The following EYS variants were observed in gnomAD, a reference collection of about 807,000 sequenced individuals.
EYS encodes the protein EGF-like photoreceptor maintenance factor.
EYS carries 250 observed loss-of-function variants against 282.1 expected under a neutral mutation model. That is an observed-to-expected ratio of 0.89 (90% CI 0.80 to 0.98). The LOEUF (loss-of-function observed/expected upper bound fraction) is 0.98. EYS is among the 50% of genes least tolerant of loss of function. EYS has a pLI of 0.00. For synonymous variants in EYS, 1,355 were observed against 1,282.9 expected (o/e 1.06, Z -1.20); for missense variants, 4,016 against 3,709.0 (o/e 1.08, Z -2.15).
At chr6:65,611,683 C>T (rs375349991) in intron 2 of EYS, among the ~76,000 whole-genome samples, 2 of 152,070 alleles carry the variant, frequency 1.3e-5, no homozygotes, top group Non-Finnish European at 2.9e-5. Flanking sequence ...TGCGATTTAT[C>T]GCAAGATTTC....
intron 24 of EYS, among the ~76,000 whole-genome samples, chr6:64,613,002 C>T (rs1285463138): frequency 6.6e-6 from 1 of 152,072 alleles, no homozygotes; most frequent in African/African-American, 2.4e-5. Context: ...AGCCTTATTG[C>T]TTTGAATTGT....
intron 2 of EYS, among the ~76,000 whole-genome samples, chr6:65,637,532 C>T (rs1767131810): frequency 6.6e-6 from 1 of 152,144 alleles, no homozygotes; most frequent in Non-Finnish European, 1.5e-5. Context: ...CTCCCTGGCA[C>T]AGCTGCAGCC....
chr6:65,459,943 G>GT (rs1764759664), intron 5 of EYS, among the ~76,000 whole-genome samples: 1 of 128,696 alleles, frequency 7.8e-6, no homozygotes, highest in Non-Finnish European at 1.6e-5. Flanking sequence ...TTTCTGGTGC[G>GT]TGTGTGTGTG....
chr6:64,828,805 T>G (rs1765132839), intron 19 of EYS, among the ~76,000 whole-genome samples: 1 of 151,980 alleles, frequency 6.6e-6, no homozygotes, highest in Non-Finnish European at 1.5e-5. Context: ...GTTCATACTG[T>G]TTCTGTCTGG....
intron 42 of EYS, among the ~76,000 whole-genome samples, chr6:63,724,213 A>T (rs1330056790): frequency 6.6e-6 from 1 of 152,130 alleles, no homozygotes; most frequent in Non-Finnish European, 1.5e-5. Context: ...TTTAATGCCC[A>T]CTCAACCATG....
At chr6:64,945,305 C>T (rs1054359420) in intron 15 of EYS, among the ~76,000 whole-genome samples, 1 of 151,902 alleles carries the variant, frequency 6.6e-6, no homozygotes, top group African/African-American at 2.4e-5. Flanking sequence ...TCAGAATTCT[C>T]ATCTAAGAAC....
At chr6:65,566,530 T>C (rs748648217) in intron 2 of EYS, among the ~76,000 whole-genome samples, 1 of 152,196 alleles carries the variant, frequency 6.6e-6, no homozygotes, top group Non-Finnish European at 1.5e-5. Flanking sequence ...CATTTCTGCC[T>C]TAAATCTACT....
intron 22 of EYS, among the ~76,000 whole-genome samples, chr6:64,727,661 A>G (rs114990761): frequency 0.019 from 2,883 of 152,316 alleles, 77 homozygotes; most frequent in African/African-American, 0.063. Flanking sequence ...TCTTGTTTTT[A>G]TATTTACAAA....
intron 22 of EYS, among the ~76,000 whole-genome samples, chr6:64,637,111 C>A (rs375535454): frequency 2.0e-5 from 2 of 102,208 alleles, no homozygotes; most frequent in South Asian, 4.0e-4. Flanking sequence ...CCAAAGGACT[C>A]TAAATCATGC....
intron 31 of EYS, among the ~76,000 whole-genome samples, chr6:64,138,441 G>A (rs1582325979): frequency 6.6e-6 from 1 of 152,078 alleles, no homozygotes; most frequent in African/African-American, 2.4e-5. Flanking sequence ...CAAAGATAGG[G>A]CATTCATTCC....
At chr6:65,324,751 T>A (rs1186466335) in intron 11 of EYS, among the ~76,000 whole-genome samples, 1 of 152,222 alleles carries the variant, frequency 6.6e-6, no homozygotes. Context: ...TGGAAAAACT[T>A]TTTAAAAACC....
intron 12 of EYS, among the ~76,000 whole-genome samples, chr6:65,124,871 T>C (rs1478051530): frequency 2.0e-5 from 3 of 152,220 alleles, no homozygotes; most frequent in African/African-American, 7.2e-5. Context: ...TGGTTTCTTG[T>C]ACAAAACTAG....
At chr6:64,423,838 A>G (rs1012074381) in intron 28 of EYS, among the ~76,000 whole-genome samples, 3 of 152,174 alleles carry the variant, frequency 2.0e-5, no homozygotes, top group Admixed American at 6.5e-5. Context: ...AGAGTTGCCA[A>G]TGAGATCACC....
At chr6:65,434,732 A>G (rs1768012398) in intron 5 of EYS, among the ~76,000 whole-genome samples, 1 of 152,172 alleles carries the variant, frequency 6.6e-6, no homozygotes, top group African/African-American at 2.4e-5. Context: ...CTCCTGAAAG[A>G]TGCATTTAAT....
intron 32 of EYS, among the ~76,000 whole-genome samples, chr6:64,070,006 T>C (rs1037844739): frequency 6.6e-6 from 1 of 152,174 alleles, no homozygotes; most frequent in Admixed American, 6.6e-5. Flanking sequence ...GATTATTATA[T>C]CTACTTCTGT....
At chr6:65,106,998 A>G (rs1020449031) in intron 12 of EYS, among the ~76,000 whole-genome samples, 8 of 151,432 alleles carry the variant, frequency 5.3e-5, no homozygotes, top group Non-Finnish European at 1.0e-4. Context: ...GCTGCTCCTC[A>G]CCCCCGCTCC....
chr6:64,556,126 A>G (rs1004731201), intron 26 of EYS, among the ~76,000 whole-genome samples: 4 of 152,056 alleles, frequency 2.6e-5, no homozygotes, highest in Admixed American at 1.3e-4. Flanking sequence ...GATAAATTTT[A>G]CTTTTGTATT....
intron 10 of EYS, among the ~76,000 whole-genome samples, chr6:65,336,714 C>A (rs1389357472): frequency 2.0e-5 from 3 of 150,362 alleles, no homozygotes; most frequent in Admixed American, 6.6e-5. Context: ...TAAATAATAT[C>A]TTTCACACAT....
intron 14 of EYS, among the ~76,000 whole-genome samples, chr6:64,997,354 T>A (rs1771299612): frequency 6.6e-6 from 1 of 152,136 alleles, no homozygotes; most frequent in African/African-American, 2.4e-5. Flanking sequence ...AACAGTTTGT[T>A]ATATAATATT....
Sources: gnomAD v4.1 joint callset for allele counts (sites outside exome capture counted in the v4.1 genomes callset) on GRCh38, gnomAD v4.1.1 for gene constraint, MANE v1.5 for transcripts, NCBI Gene and HGNC (gene_info 2026-07-23, HGNC 2026-07-21) for gene names.